Variants in ZNF736 observed in about 807,000 individuals in gnomAD.
The protein encoded by ZNF736 is zinc finger protein 736.
A neutral mutation model predicts 11.7 loss-of-function variants in ZNF736; 6 were observed. The observed-to-expected ratio is 0.51, with a 90% CI of 0.28 to 1.01. ZNF736 has a LOEUF of 1.01. Among genes scored for constraint, ZNF736 ranks in the 50% least tolerant of loss-of-function variants. ZNF736 has a pLI of 0.09. For missense variants in ZNF736, 444 were observed against 496.0 expected (o/e 0.90, Z 1.00); for synonymous variants, 139 against 164.7 (o/e 0.84, Z 1.19).
intron 1 of ZNF736, among the ~76,000 whole-genome samples, chr7:64,325,797 G>T (rs1362121946): frequency 6.6e-6 from 1 of 152,068 alleles, no homozygotes; most frequent in Non-Finnish European, 1.5e-5. Flanking sequence ...CTTTCTCTAG[G>T]ACCTGGAAAC....
At chr7:64,339,911 G>T (rs1789312542) in intron 3 of ZNF736, among the ~76,000 whole-genome samples, 1 of 152,092 alleles carries the variant, frequency 6.6e-6, no homozygotes, top group Non-Finnish European at 1.5e-5. Context: ...CTTCTCTTGG[G>T]TCAATTAGCT....
intron 1 of ZNF736, among the ~76,000 whole-genome samples, chr7:64,319,856 A>G (rs1480631040): frequency 6.6e-6 from 1 of 152,088 alleles, no homozygotes; most frequent in East Asian, 1.9e-4. Flanking sequence ...TAAAATTTAC[A>G]TCAAGAAGGA....
At position 64,329,157 on chromosome 7, in the gene ZNF736, TTC is replaced by T. The variant is rs1178428990; in HGVS notation, c.4-7100_4-7099del. On this transcript the variant is annotated intron_variant, in intron 1 of 3. Transcript: ENST00000423484. ...GATCCAGATTCTGAATTTCTTTTTCTTCTTTTTTTTTTGTTATTTTGAATTTT... is the reference window on the plus strand; with the variant it reads ...GATCCAGATTCTGAATTTCTTTTTCTTTTTTTTTTTGTTATTTTGAATTTT... Among the ~76,000 whole-genome samples, 503 of 133,968 alleles carry T rather than the reference TTC, an allele frequency of 3.8e-3. 3 individuals carry two copies. The highest frequency in any genetic ancestry group is 0.011 in the African/African-American group (434 of 40,620). 87.9% of individuals were successfully genotyped at this position (133,968 alleles called of 152,430 possible). A position where few individuals can be genotyped will look rare whatever the true frequency, so the allele number is the denominator to read the frequency against.
intron 1 of ZNF736, among the ~76,000 whole-genome samples, chr7:64,324,793 C>G (rs1303746858): frequency 6.6e-6 from 1 of 152,206 alleles, no homozygotes; most frequent in Non-Finnish European, 1.5e-5. Context: ...ACAAATTAGT[C>G]TTTCCACTAA....
intron 1 of ZNF736, among the ~76,000 whole-genome samples, chr7:64,318,736 T>A (rs551737555): frequency 6.6e-6 from 1 of 152,172 alleles, no homozygotes; most frequent in African/African-American, 2.4e-5. Flanking sequence ...TTCAGTACCA[T>A]GTAGATAATA....
At chr7:64,325,166 G>T (rs1789066291) in intron 1 of ZNF736, among the ~76,000 whole-genome samples, 1 of 84,868 alleles carries the variant, frequency 1.2e-5, no homozygotes, top group African/African-American at 3.2e-5. Context: ...AAAACCAGTT[G>T]TAAAAAAAAA....
chr7:64,340,619 C>T (rs972643781), intron 3 of ZNF736, among the ~76,000 whole-genome samples: 2 of 152,128 alleles, frequency 1.3e-5, no homozygotes, highest in Non-Finnish European at 2.9e-5. Context: ...ATCACCCAGG[C>T]TGGTCTCAAA....
intron 1 of ZNF736, among the ~76,000 whole-genome samples, chr7:64,315,957 A>G (rs761753214): frequency 3.3e-5 from 5 of 152,168 alleles, no homozygotes; most frequent in Non-Finnish European, 5.9e-5. Flanking sequence ...CAGGACAGAA[A>G]AGCAAAGAGT....
chr7:64,340,418 C>G (rs1444635655), intron 3 of ZNF736, among the ~76,000 whole-genome samples: 1 of 131,628 alleles, frequency 7.6e-6, no homozygotes, highest in Admixed American at 7.2e-5. Context: ...AATTTTAAGT[C>G]AAGTCAAAAT....
chr7:64,330,155 G>T (rs623212), intron 1 of ZNF736, among the ~76,000 whole-genome samples: 146,861 of 151,176 alleles, frequency 0.97, 71,432 homozygotes, highest in Non-Finnish European at 1. Context: ...GGGAAGTGGG[G>T]TTTTTTTTGT....
intron 1 of ZNF736, among the ~76,000 whole-genome samples, chr7:64,317,497 T>G (rs1008470846): frequency 1.3e-5 from 2 of 152,184 alleles, no homozygotes; most frequent in African/African-American, 4.8e-5. Flanking sequence ...ACTGGGTTTT[T>G]TCAGAGCTAT....
chr7:64,339,971 A>G (rs535667879), intron 3 of ZNF736, among the ~76,000 whole-genome samples: 10 of 152,284 alleles, frequency 6.6e-5, no homozygotes, highest in African/African-American at 2.4e-4. Context: ...TGTGGGTCAC[A>G]TGGCTGTTTC....
At chr7:64,314,614 C>A (rs375374791) in intron 1 of ZNF736, among the ~76,000 whole-genome samples, 1 of 152,092 alleles carries the variant, frequency 6.6e-6, no homozygotes, top group Non-Finnish European at 1.5e-5. Context: ...CACTCTGTTG[C>A]CCAGGCTAAA....
At chr7:64,319,227 C>T (rs1439313136) in intron 1 of ZNF736, among the ~76,000 whole-genome samples, 1 of 149,818 alleles carries the variant, frequency 6.7e-6, no homozygotes, top group Non-Finnish European at 1.5e-5. Flanking sequence ...TATGGGAAAA[C>T]CATAGGCCTC....
rs1789460954 is a variant in ZNF736 at position 64,349,724 on chromosome 7, T to C, written c.*577T>C. 1 of 152,280 alleles carries C rather than the reference T, an allele frequency of 6.6e-6. No homozygotes were observed. Among genetic ancestry groups the C allele is most frequent in the African/African-American group, 2.4e-5 (1 of 41,450 alleles). 9.4% of individuals were successfully genotyped at this position (152,280 alleles called of 1,614,324 possible). On this transcript the variant is annotated 3_prime_UTR_variant, in exon 4 of 4. Coordinates refer to ENST00000423484, the MANE Select transcript of ZNF736 (RefSeq NM_001170905.3). ...ATAGTCTTTTTCTTATTTAATGCTT[T>C]CTTCAGAAGCTCTTTTAAGACAGAT...
At chr7:64,330,754 T>G (rs780623028) in intron 1 of ZNF736, among the ~76,000 whole-genome samples, 1 of 152,168 alleles carries the variant, frequency 6.6e-6, no homozygotes, top group Non-Finnish European at 1.5e-5. Flanking sequence ...GGCTCTTTAC[T>G]CAGCAGGTGA....
chr7:64,338,721 T>G (rs1391290528), intron 3 of ZNF736, among the ~76,000 whole-genome samples: 5 of 152,032 alleles, frequency 3.3e-5, no homozygotes, highest in Non-Finnish European at 2.9e-5. Flanking sequence ...ATGCCATGTT[T>G]TTTTTTTGTG....
intron 1 of ZNF736, among the ~76,000 whole-genome samples, chr7:64,316,887 A>C (rs1419740382): frequency 6.6e-6 from 1 of 152,228 alleles, no homozygotes; most frequent in Non-Finnish European, 1.5e-5. Flanking sequence ...GCATGATTTC[A>C]AACAGAATCC....
intron 1 of ZNF736, among the ~76,000 whole-genome samples, chr7:64,320,299 C>G (rs1384652953): frequency 1.3e-5 from 2 of 152,108 alleles, no homozygotes; most frequent in Non-Finnish European, 2.9e-5. Flanking sequence ...CCACAAAGGC[C>G]AGACACAAGA....
Sources: gnomAD v4.1 joint callset for allele counts (sites outside exome capture counted in the v4.1 genomes callset) on GRCh38, gnomAD v4.1.1 for gene constraint, MANE v1.5 for transcripts, NCBI Gene and HGNC (gene_info 2026-07-23, HGNC 2026-07-21) for gene names.